The following GRIK1 variants were observed in gnomAD, a reference collection of about 807,000 sequenced individuals.
The protein encoded by GRIK1 is glutamate ionotropic receptor kainate type subunit 1, also known as glutamate receptor ionotropic, kainate 1.
A neutral mutation model predicts 105.7 loss-of-function variants in GRIK1; 69 were observed. The observed-to-expected ratio is 0.65, with a 90% confidence interval of 0.54 to 0.80. The LOEUF is 0.80. Among genes scored for constraint, GRIK1 ranks in the 30% least tolerant of loss-of-function variants. The pLI, the probability that GRIK1 is intolerant of heterozygous loss-of-function variation, is 0.00. For missense variants in GRIK1, 1,109 were observed against 1,167.3 expected (o/e 0.95, Z 0.73); for synonymous variants, 438 against 431.3 (o/e 1.02, Z -0.19).
chr21:29,683,369 C>T (rs1362626081), intron 3 of GRIK1, among the ~76,000 whole-genome samples: 1 of 152,194 alleles, frequency 6.6e-6, no homozygotes, highest in East Asian at 1.9e-4. Flanking sequence ...GGCATGGAAT[C>T]AACCTAGATG....
chr21:29,666,437 T>TA (rs1184785841), intron 4 of GRIK1, among the ~76,000 whole-genome samples: 1 of 152,090 alleles, frequency 6.6e-6, no homozygotes, highest in Non-Finnish European at 1.5e-5. Flanking sequence ...GTTTATTAAT[T>TA]AAAAAAAGAA....
intron 2 of GRIK1, 38 bp downstream of exon 2, chr21:29,693,858 T>C (rs773971938): frequency 6.7e-7 from 1 of 1,501,044 alleles, no homozygotes; most frequent in South Asian, 1.2e-5. Flanking sequence ...AGCAGACATA[T>C]CACCCAAAGA....
At chr21:29,713,469 G>C (rs1187409135) in intron 1 of GRIK1, among the ~76,000 whole-genome samples, 1 of 151,908 alleles carries the variant, frequency 6.6e-6, no homozygotes, top group Non-Finnish European at 1.5e-5. Flanking sequence ...ATTTTCCACA[G>C]ATTTAAAAAT....
chr21:29,733,143 G>A (rs900041340), intron 1 of GRIK1, among the ~76,000 whole-genome samples: 1 of 151,968 alleles, frequency 6.6e-6, no homozygotes, highest in Non-Finnish European at 1.5e-5. Flanking sequence ...CATATATTTC[G>A]AGATTTTTCT....
Position 29,795,538 on chromosome 21 carries a change from C to CA in GRIK1, c.119-101476dup, listed in dbSNP as rs543677659. ...TTCTCATTTTCTCCACACATTAGAC[C>CA]AATATTATTACTCCTTTCTTATCCT... On this transcript the variant is annotated intron_variant, in intron 1 of 17. Transcript: ENST00000327783. 2.2e-4 allele frequency among the ~76,000 whole-genome samples: 34 copies of CA among 152,184 alleles called. No individual in the cohort carries two copies. The East Asian group carries it at 5.8e-3, about 26-fold the overall frequency.
intron 1 of GRIK1, among the ~76,000 whole-genome samples, chr21:29,862,667 T>C (rs1169113574): frequency 2.6e-5 from 4 of 152,224 alleles, no homozygotes; most frequent in Non-Finnish European, 5.9e-5. Flanking sequence ...GTGTAACTTA[T>C]GTTCTTTGGT....
intron 7 of GRIK1, among the ~76,000 whole-genome samples, chr21:29,616,989 T>A (rs1294188837): frequency 6.6e-6 from 1 of 152,230 alleles, no homozygotes; most frequent in Non-Finnish European, 1.5e-5. Context: ...TCATTCTCTC[T>A]CTTGGTGTGG....
chr21:29,777,267 A>G (rs1413929722), intron 1 of GRIK1, among the ~76,000 whole-genome samples: 1 of 152,184 alleles, frequency 6.6e-6, no homozygotes, highest in African/African-American at 2.4e-5. Flanking sequence ...AGTACTTGCT[A>G]AAACATACAC....
intron 13 of GRIK1, among the ~76,000 whole-genome samples, chr21:29,579,263 T>C (rs2090963612): frequency 6.6e-6 from 1 of 152,242 alleles, no homozygotes; most frequent in South Asian, 2.1e-4. Flanking sequence ...TTTCTATTTT[T>C]ATCTAATTTT....
At chr21:29,837,542 G>A (rs151027090) in intron 1 of GRIK1, among the ~76,000 whole-genome samples, 2 of 152,102 alleles carry the variant, frequency 1.3e-5, no homozygotes, top group African/African-American at 2.4e-5. Flanking sequence ...CCACCAATGG[G>A]GGGGAATGAC....
intron 1 of GRIK1, among the ~76,000 whole-genome samples, chr21:29,934,900 T>C (rs2071696601): frequency 6.6e-6 from 1 of 152,120 alleles, no homozygotes; most frequent in Admixed American, 6.6e-5. Context: ...GATCTGCTCA[T>C]TCTCAGCAAC....
chr21:29,617,386 G>T (rs536873364), intron 7 of GRIK1, among the ~76,000 whole-genome samples: 1 of 152,288 alleles, frequency 6.6e-6, no homozygotes, highest in African/African-American at 2.4e-5. Flanking sequence ...GCCATGGATT[G>T]TTCCCGTGTG....
intron 1 of GRIK1, among the ~76,000 whole-genome samples, chr21:29,750,947 GGGGTGGGGCCGTTTTATAAGATTT>G (rs2065184376): frequency 6.6e-6 from 1 of 152,178 alleles, no homozygotes; most frequent in African/African-American, 2.4e-5. Flanking sequence ...AAGGGAGATA[GGGGTGGGGCCGTTTTATAAGATTT>G]GGGTGGATAG....
At chr21:29,740,853 G>T (rs916085174) in intron 1 of GRIK1, among the ~76,000 whole-genome samples, 3 of 152,188 alleles carry the variant, frequency 2.0e-5, no homozygotes, top group Admixed American at 6.5e-5. Flanking sequence ...GGGTTGAGAG[G>T]TTGGCCTTTT....
intron 1 of GRIK1, among the ~76,000 whole-genome samples, chr21:29,723,021 C>T (rs9305401): frequency 0.77 from 117,557 of 152,136 alleles, 47,283 homozygotes; most frequent in South Asian, 0.89. Context: ...TAAAAAGATA[C>T]TGAAAAATAT....
At chr21:29,853,386 A>C (rs2068366669) in intron 1 of GRIK1, among the ~76,000 whole-genome samples, 1 of 152,214 alleles carries the variant, frequency 6.6e-6, no homozygotes, top group South Asian at 2.1e-4. Flanking sequence ...TGATGTGACT[A>C]AGAACTAAGT....
rs2061690963 is a variant in GRIK1, at chr21:29,609,687, TCTA to T, written c.1099-10753_1099-10751del. ...TGAACTAGGCCATCTCATCTCATCT[TCTA>T]CTACCCTCATACTGGGAGTTATACC... is the stretch of plus-strand genomic sequence containing the variant. On this transcript the variant is annotated intron_variant, in intron 7 of 17. Coordinates refer to ENST00000327783, the MANE Select transcript of GRIK1 (RefSeq NM_001330994.2). Among the ~76,000 whole-genome samples, 4 of 152,272 alleles carry T rather than the reference TCTA, an allele frequency of 2.6e-5. No homozygotes were observed. In the East Asian group the frequency reaches 7.7e-4, roughly 29 times the overall value.
chr21:29,694,076 AAG>A lies in GRIK1; in HGVS notation c.119-15_119-14del. ...TCAAAAATCCCTCCTGCAGAAGCAAAAGAGATGCATGAGAAGCGTTAGTCACA... is the reference window on the plus strand; with the variant it reads ...TCAAAAATCCCTCCTGCAGAAGCAAAAGATGCATGAGAAGCGTTAGTCACA... On this transcript the variant is annotated splice_polypyrimidine_tract_variant and intron_variant, in intron 1 of 17. Transcript: ENST00000327783. 1 of 1,587,802 alleles carries A rather than the reference AAG, an allele frequency of 6.3e-7. No individual in the cohort carries two copies. The highest frequency in any genetic ancestry group is 8.6e-7 in the Non-Finnish European group (1 of 1,156,396).
intron 7 of GRIK1, chr21:29,630,770 GTT>G: frequency 8.7e-6 from 3 of 346,208 alleles, no homozygotes; most frequent in Admixed American, 4.0e-5. Context: ...GTGTGTGTGT[GTT>G]TTTGTTTTGT....
Sources: allele counts gnomAD v4.1 joint callset (sites outside exome capture counted in the v4.1 genomes callset), GRCh38; gene constraint gnomAD v4.1.1; transcripts MANE v1.5; gene names NCBI Gene and HGNC (gene_info 2026-07-23, HGNC 2026-07-21).